Variants in HK1 observed in about 807,000 individuals in gnomAD.
HK1 encodes the protein hexokinase 1.
A neutral mutation model predicts 91.6 loss-of-function variants in HK1; 28 were observed. The ratio of observed to expected loss-of-function variants is 0.31; its 90% CI spans 0.23 to 0.42. HK1 has a LOEUF of 0.42. HK1 is among the 10% of genes least tolerant of loss of function. The pLI is 1.00. For missense variants in HK1, 770 were observed against 1,219.8 expected (o/e 0.63, Z 5.49); for synonymous variants, 430 against 468.1 (o/e 0.92, Z 1.05).
rs149834276 is a variant in HK1, at chr10:69,333,825, G to A, written c.64-10002G>A. Among the ~76,000 whole-genome samples, 499 of 152,220 alleles carry A rather than the reference G, an allele frequency of 3.3e-3. 2 individuals are homozygous for A. The highest frequency in any genetic ancestry group is 0.012 in the African/African-American group (480 of 41,558). ...CGTCAGTTTCTTCATCAAGAATGGG[G>A]ATCCTGGCTGGGCGCAGTGGCTCAC... On this transcript the variant is annotated intron_variant, in intron 1 of 17. Coordinates refer to ENST00000359426, the MANE Select transcript of HK1 (RefSeq NM_000188.3).
chr10:69,325,784 G>A (rs551698000), intron 1 of HK1, among the ~76,000 whole-genome samples: 13 of 150,788 alleles, frequency 8.6e-5, no homozygotes, highest in African/African-American at 2.7e-4. Context: ...TGATCTGCCC[G>A]CCTTGGCCTC....
At chr10:69,295,637 C>T (rs1436497374) in exon 4 of HK1, 1 of 1,607,934 alleles carries the variant, frequency 6.2e-7, no homozygotes, top group East Asian at 2.2e-5. Flanking sequence ...TCTAAGGCTA[C>T]AGCAGCTGAA....
chr10:69,276,117 A>AT lies in HK1; in HGVS notation c.-391+6009_-391+6010insT, dbSNP rs1564746795. On this transcript the variant is annotated intron_variant, in intron 1 of 21. Coordinates refer to the HK1 transcript ENST00000360289. ...AAAAAAAAAAAAAAAAAAAAAAAAA[A>AT]AATACATATATATATATATATACAC... Among the ~76,000 whole-genome samples the AT allele has an allele frequency of 3.8e-3, 249 of 65,542 alleles. 13 individuals carry two copies. Among genetic ancestry groups the AT allele is most frequent in the African/African-American group, 9.4e-3 (132 of 13,984 alleles). 43.0% of individuals were successfully genotyped at this position (65,542 alleles called of 152,430 possible).
At chr10:69,305,438 T>G (rs768644563) in intron 5 of HK1, among the ~76,000 whole-genome samples, 4 of 152,180 alleles carry the variant, frequency 2.6e-5, no homozygotes, top group Non-Finnish European at 4.4e-5. Context: ...GCGCCTGCCT[T>G]TTCTCCTAGT....
intron 2 of HK1, among the ~76,000 whole-genome samples, chr10:69,283,290 T>A (rs1464806081): frequency 8.8e-5 from 12 of 135,640 alleles, no homozygotes; most frequent in African/African-American, 2.4e-4. Context: ...CTACCAAAAT[T>A]AAAAAAAAAA....
Position 69,379,971 on chromosome 10 carries a change from C to T in HK1, c.1141C>T (p.Arg381Cys), listed in dbSNP as rs866693507. ...GCACGTTTGCACCATTGTCTCATTT[C>T]GCTCAGCCAACTTGGTGGCTGCCAC... Reference protein sequence around the residue: ...VQHVCTIVSFRSANLVAATLG... With the variant: ...VQHVCTIVSFCSANLVAATLG... Residue 381 changes from arginine (R) to cysteine (C), a missense_variant, in exon 9 of 18, where the codon CGC (arginine) becomes TGC (cysteine). Coordinates refer to ENST00000359426, the MANE Select transcript of HK1 (RefSeq NM_000188.3). 3 of 1,614,182 alleles carry T rather than the reference C, an allele frequency of 1.9e-6. No homozygotes were observed. The highest frequency in any genetic ancestry group is 2.5e-6 in the Non-Finnish European group (3 of 1,180,006).
chr10:69,296,345 C>A, intron 4 of HK1: 1 of 153,774 alleles, frequency 6.5e-6, no homozygotes, highest in Non-Finnish European at 1.4e-5. Context: ...GTGTCCGGGG[C>A]CATTACCTAG....
intron 1 of HK1, among the ~76,000 whole-genome samples, chr10:69,343,546 G>A (rs1382645613): frequency 1.3e-5 from 2 of 152,222 alleles, no homozygotes; most frequent in Admixed American, 6.5e-5. Context: ...CCTCCATCAA[G>A]TACTTGGGGG....
At chr10:69,367,184 G>A (rs1481597807) in intron 4 of HK1, among the ~76,000 whole-genome samples, 1 of 152,162 alleles carries the variant, frequency 6.6e-6, no homozygotes, top group Non-Finnish European at 1.5e-5. Context: ...GAGGTGGGGG[G>A]TGTCCACCTG....
intron 2 of HK1, among the ~76,000 whole-genome samples, chr10:69,358,482 G>C (rs1849245044): frequency 6.6e-6 from 1 of 152,154 alleles, no homozygotes. Context: ...AGCATCCTCT[G>C]GGTGGAAACA....
chr10:69,347,742 G>A (rs1480096341), intron 2 of HK1, among the ~76,000 whole-genome samples: 3 of 152,088 alleles, frequency 2.0e-5, no homozygotes, highest in African/African-American at 7.2e-5. Context: ...TTTAGGAACA[G>A]ACATCTTTAA....
At chr10:69,300,423 A>G (rs1189481230) in intron 4 of HK1, 2 of 686,618 alleles carry the variant, frequency 2.9e-6, no homozygotes, top group African/African-American at 3.7e-5. Flanking sequence ...AATATGTATA[A>G]CATCTCTAGA....
intron 7 of HK1, among the ~76,000 whole-genome samples, chr10:69,372,352 A>G (rs1223194268): frequency 6.6e-6 from 1 of 152,216 alleles, no homozygotes; most frequent in Admixed American, 6.5e-5. Flanking sequence ...GTTGCATCAC[A>G]TATTCCTGGA....
At chr10:69,366,636 C>G (rs1482648264) in intron 4 of HK1, among the ~76,000 whole-genome samples, 5 of 152,154 alleles carry the variant, frequency 3.3e-5, no homozygotes, top group Middle Eastern at 3.2e-3. Context: ...GTTATGCTTT[C>G]AGGAAGCTGT....
rs1252702351 is a variant in HK1 at position 69,401,353 on chromosome 10, C to G, written c.*218C>G. On this transcript the variant is annotated 3_prime_UTR_variant, in exon 18 of 18. Coordinates refer to ENST00000359426, the MANE Select transcript of HK1 (RefSeq NM_000188.3). ...CCCGGATCCCTCCTCACTTGCCCTGCCACTTTGCATGGTTTGATTTTGACC... is the reference window on the plus strand; with the variant it reads ...CCCGGATCCCTCCTCACTTGCCCTGGCACTTTGCATGGTTTGATTTTGACC... 3 of 615,376 alleles carry G rather than the reference C, an allele frequency of 4.9e-6. No individual in the cohort carries two copies. The African/African-American group carries it at 5.5e-5, about 11-fold the overall frequency. The allele number at this position is 615,376 out of a possible 1,614,324, so 38.1% of individuals were successfully genotyped here. A position where few individuals can be genotyped will look rare whatever the true frequency, so the allele number is the denominator to read the frequency against.
intron 17 of HK1, among the ~76,000 whole-genome samples, chr10:69,400,681 G>A (rs1414559446): frequency 1.3e-5 from 2 of 152,142 alleles, no homozygotes; most frequent in African/African-American, 2.4e-5. Flanking sequence ...GTTTGGATTC[G>A]CAGTTGGGCC....
At chr10:69,286,524 T>C (rs1845040401) in intron 2 of HK1, among the ~76,000 whole-genome samples, 1 of 151,994 alleles carries the variant, frequency 6.6e-6, no homozygotes, top group South Asian at 2.1e-4. Context: ...TTGCAAGGCA[T>C]ATATTTTATT....
At chr10:69,346,344 G>A (rs1848559832) in intron 2 of HK1, among the ~76,000 whole-genome samples, 1 of 152,178 alleles carries the variant, frequency 6.6e-6, no homozygotes, top group Non-Finnish European at 1.5e-5. Context: ...CCAAGGCAAA[G>A]GAAGGAAACA....
At chr10:69,359,390 A>G (rs1282811343) in intron 2 of HK1, among the ~76,000 whole-genome samples, 2 of 152,200 alleles carry the variant, frequency 1.3e-5, no homozygotes, top group African/African-American at 4.8e-5. Context: ...ATTTTATGCT[A>G]TGTGTATGTT....
Sources: gnomAD v4.1 joint callset for allele counts (sites outside exome capture counted in the v4.1 genomes callset) on GRCh38, gnomAD v4.1.1 for gene constraint, MANE v1.5 for transcripts, NCBI Gene and HGNC (gene_info 2026-07-23, HGNC 2026-07-21) for gene names.